ADGRB2: variants seen among roughly 807,000 people sequenced by gnomAD.
The protein encoded by ADGRB2 is brain-specific angiogenesis inhibitor 2.
ADGRB2 carries 47 observed loss-of-function variants against 178.7 expected under a neutral mutation model. That is an observed-to-expected ratio of 0.26 (90% confidence interval 0.21 to 0.34). The LOEUF is 0.34. ADGRB2 is among the 10% of genes least tolerant of loss of function. ADGRB2 has a pLI of 1.00. For missense variants in ADGRB2, 1,584 were observed against 2,180.8 expected, an observed-to-expected ratio of 0.73 and a Z score of 5.45; for synonymous variants, 870 against 912.4, an observed-to-expected ratio of 0.95 and a Z score of 0.84.
chr1:31,758,188 G>A lies in ADGRB2; in HGVS notation c.-190-677C>T, dbSNP rs1029593109. ...CAGGATAGCTCACAGCACTGCATGGGCCCCCTAGAGCCCAGCTGGTCCTCA... is the reference window on the plus strand; with the variant it reads ...CAGGATAGCTCACAGCACTGCATGGACCCCCTAGAGCCCAGCTGGTCCTCA... On this transcript the variant is annotated intron_variant, in intron 1 of 32. Coordinates refer to ENST00000373658, the MANE Select transcript of ADGRB2 (RefSeq NM_001364857.2). This position sits in a 1 kb window ranked among gnomAD's most constrained non-coding sequence, Gnocchi z 4.2. Among the ~76,000 whole-genome samples the A allele has an allele frequency of 2.0e-5, 3 of 152,194 alleles. No individual in the cohort carries two copies. The highest frequency in any genetic ancestry group is 4.8e-5 in the African/African-American group (2 of 41,440).
rs1324862325 is a variant in ADGRB2 at position 31,756,652 on chromosome 1, G to A, written c.185C>T (p.Ala62Val). ...FSLQDLFPTIASGCSWTLENP... is the reference protein window; with the variant it reads ...FSLQDLFPTIVSGCSWTLENP... ...CTCCAGGGTCCAGGAGCAGCCCGAG[G>A]CGATGGTAGGAAAGAGGTCCTGCAG... Residue 62 changes from alanine (A) to valine (V), a missense_variant, in exon 4 of 33, where the codon GCC (alanine) becomes GTC (valine). Ala to Val is a moderately conservative substitution (Grantham distance 64, BLOSUM62 0). Transcript: ENST00000373658. This position sits in a 1 kb window ranked among gnomAD's most constrained non-coding sequence, Gnocchi z 8.5. 4 of 1,608,868 alleles carry A rather than the reference G, an allele frequency of 2.5e-6. No homozygotes were observed. Among genetic ancestry groups the A allele is most frequent in the African/African-American group, 1.3e-5 (1 of 74,890 alleles).
At chr1:31,737,045 G>A (rs1645652336) in intron 20 of ADGRB2, among the ~76,000 whole-genome samples, 1 of 152,208 alleles carries the variant, frequency 6.6e-6, no homozygotes, top group Non-Finnish European at 1.5e-5. Context: ...GCATGGTGCT[G>A]GCACTGTGCA....
chr1:31,763,356 G>C (rs544646328), intron 1 of ADGRB2, among the ~76,000 whole-genome samples: 3 of 151,858 alleles, frequency 2.0e-5, no homozygotes, highest in African/African-American at 7.2e-5. Flanking sequence ...GTACAGGCGC[G>C]GGGGAGGGTA....
rs1260437524 is a variant in ADGRB2 at position 31,759,784 on chromosome 1, G to A, written c.-190-2273C>T. ...GTATAGCCAGGCCTGTCCTCCTGGG[G>A]GCACTGATGACCCAGAGGCCTCTCC... On this transcript the variant is annotated intron_variant, in intron 1 of 32. Transcript: ENST00000373658. This position sits in a 1 kb window ranked among gnomAD's most constrained non-coding sequence, Gnocchi z 4.3. Among the ~76,000 whole-genome samples, 1 of 152,154 alleles carries A rather than the reference G, an allele frequency of 6.6e-6. No homozygotes were observed. Among genetic ancestry groups the A allele is most frequent in the Non-Finnish European group, 1.5e-5 (1 of 68,014 alleles).
chr1:31,733,182 CG>C lies in ADGRB2; in HGVS notation c.3453-40del. 1 of 1,547,932 alleles carries C rather than the reference CG, an allele frequency of 6.5e-7. No individual in the cohort carries two copies. The highest frequency in any genetic ancestry group is 8.7e-7 in the Non-Finnish European group (1 of 1,146,044). ...GGCAGAGCCCATCAGAGTGACACTC[CG>C]GGGGACAGGATGGCTTGAGCCTAGG... is the stretch of plus-strand genomic sequence containing the variant. On this transcript the variant is annotated intron_variant, in intron 25 of 32. Coordinates refer to ENST00000373658, the MANE Select transcript of ADGRB2 (RefSeq NM_001364857.2). This position sits in a 1 kb window ranked among gnomAD's most constrained non-coding sequence, Gnocchi z 4.3.
Position 31,736,701 on chromosome 1 carries a change from G to A in ADGRB2, c.3002C>T (p.Ala1001Val). The A allele has an allele frequency of 6.2e-7, 1 of 1,613,956 alleles. No homozygotes were observed. The highest frequency in any genetic ancestry group is 2.2e-5 in the East Asian group (1 of 44,872). Residue 1001 changes from alanine to valine, a missense_variant, in exon 21 of 33, where the codon GCC (alanine) becomes GTC (valine). Ala to Val is a moderately conservative substitution (Grantham distance 64). Transcript: ENST00000373658. ...LSKGVCTMTA[A>V]FLHFFFLSSF... Reference sequence around the variant, plus strand: ...GGAGAGAAAGAAGAAGTGCAGGAAGGCAGCCGTCATGGTGCACACGCCCTG... The same window carrying A: ...GGAGAGAAAGAAGAAGTGCAGGAAGACAGCCGTCATGGTGCACACGCCCTG...
Position 31,756,342 on chromosome 1 carries a change from CT to C in ADGRB2, c.494del (p.Glu165GlyfsTer14). 2 of 1,612,914 alleles carry C rather than the reference CT, an allele frequency of 1.2e-6. No individual in the cohort carries two copies. The highest frequency in any genetic ancestry group is 8.5e-7 in the Non-Finnish European group (1 of 1,179,946). The stretch of plus-strand genomic sequence containing the variant: ...CCAGCAGGCGCGGGGCCTCGGAGGG[CT>C]CAGCCGACAGGCACAGCTGCACGAA... ...KNFVQLCLSA[E>X]PSEAPRLLAP... is the part of the protein sequence containing the mutation. On this transcript the variant is annotated frameshift_variant, in exon 4 of 33. Transcript: ENST00000373658. LOFTEE classifies it high-confidence loss of function. This position sits in a 1 kb window ranked among gnomAD's most constrained non-coding sequence, Gnocchi z 8.5.
In ADGRB2 at chr1:31,740,315, C is replaced by A; in HGVS notation, c.1989+32G>T. 1 of 1,605,520 alleles carries A rather than the reference C, an allele frequency of 6.2e-7. No homozygotes were observed. Among genetic ancestry groups the A allele is most frequent in the Admixed American group, 1.7e-5 (1 of 59,556 alleles). On this transcript the variant is annotated intron_variant, in intron 12 of 32. Coordinates refer to ENST00000373658, the MANE Select transcript of ADGRB2 (RefSeq NM_001364857.2). This position sits in a 1 kb window ranked among gnomAD's most constrained non-coding sequence, Gnocchi z 5.9. ...CTCCCGCTTCAGTTTGGGCCTTCTC[C>A]ACCCTCCGCCCTCCTTCCTCCTAGG...
chr1:31,739,137 A>G lies in ADGRB2; in HGVS notation c.2495+171T>C, dbSNP rs967579942. 2.5e-5 allele frequency: 22 copies of G among 892,826 alleles called. 1 individual carries two copies. In the East Asian group the frequency reaches 4.8e-4, roughly 20 times the overall value. 55.3% of individuals were successfully genotyped at this position (892,826 alleles called of 1,614,324 possible). ...GCTGGGTGGCAGCCCAGCCTCTGAGAGCAGTATGGATAAATTTGAGAAGCA... is the reference window on the plus strand; with the variant it reads ...GCTGGGTGGCAGCCCAGCCTCTGAGGGCAGTATGGATAAATTTGAGAAGCA... On this transcript the variant is annotated intron_variant, in intron 15 of 32. Transcript: ENST00000373658.
rs1385869241 is a variant in ADGRB2, at chr1:31,759,713, C to G, written c.-190-2202G>C. Among the ~76,000 whole-genome samples the G allele has an allele frequency of 6.6e-6, 1 of 152,228 alleles. No homozygotes were observed. The highest frequency in any genetic ancestry group is 1.5e-5 in the Non-Finnish European group (1 of 68,046). On this transcript the variant is annotated intron_variant, in intron 1 of 32. Coordinates refer to ENST00000373658, the MANE Select transcript of ADGRB2 (RefSeq NM_001364857.2). The surrounding 1 kb of genome is among the most constrained non-coding windows in gnomAD (Gnocchi z 4.3). ...AATAAGGCAAAGACCCAATTCCAAG[C>G]TGGGTCACAGACAGCCACTGGTTCA...
chr1:31,734,696 C>G (rs1645476508), intron 25 of ADGRB2, among the ~76,000 whole-genome samples: 2 of 152,210 alleles, frequency 1.3e-5, no homozygotes, highest in Admixed American at 1.3e-4. Context: ...CTGTGATTCT[C>G]TGTCTCCAAT....
In ADGRB2 at chr1:31,737,753, G is replaced by A. The variant is rs1266073451; in HGVS notation, c.2775C>T (p.Thr925=). 2 of 1,613,306 alleles carry A rather than the reference G, an allele frequency of 1.2e-6. No homozygotes were observed. Among genetic ancestry groups the A allele is most frequent in the Non-Finnish European group, 8.5e-7 (1 of 1,179,974 alleles). ...CCGAGGGGGAGCCCGCCAGCTCCAG[G>A]GTCTGGGGAAGATGGGCAGACAGTC... ...AVLAQPPKDL[T]LELAGSPSVP... Residue 925 remains threonine (T), a splice_region_variant and synonymous_variant, in exon 19 of 33, where the codon ACC becomes ACT. Coordinates refer to ENST00000373658, the MANE Select transcript of ADGRB2 (RefSeq NM_001364857.2).
rs969346765 is a variant in ADGRB2, at chr1:31,736,593, C to T, written c.3110G>A (p.Arg1037His). 8 of 1,614,044 alleles carry T rather than the reference C, an allele frequency of 5.0e-6. No homozygotes were observed. Among genetic ancestry groups the T allele is most frequent in the African/African-American group, 2.7e-5 (2 of 75,070 alleles). The change falls in exon 21 of 33, where the codon CGC becomes CAC. Residue 1037 changes from arginine to histidine, a missense_variant. Transcript: ENST00000373658. ...CTCACCCCAGCCCAGGCAGAGGAAG[C>T]GCTTGCGAACGAGGCGGGTGCGCAT... ...GRMRTRLVRK[R>H]FLCLGWGLPA...
Position 31,730,811 on chromosome 1 carries a change from C to T in ADGRB2, c.4369G>A (p.Gly1457Ser), listed in dbSNP as rs1310354410. 1 of 1,502,968 alleles carries T rather than the reference C, an allele frequency of 6.7e-7. No homozygotes were observed. Among genetic ancestry groups the T allele is most frequent in the African/African-American group, 1.4e-5 (1 of 71,436 alleles). The allele number at this position is 1,502,968 out of a possible 1,614,324, so 93.1% of individuals were successfully genotyped here. The change falls in exon 29 of 33, where the codon GGC (glycine) becomes AGC (serine). Residue 1457 changes from glycine (G) to serine (S), a missense_variant. This residue lies in a region of ADGRB2 where 865 missense variants were observed against 1,192.8 expected (regional missense o/e 0.73). Coordinates refer to ENST00000373658, the MANE Select transcript of ADGRB2 (RefSeq NM_001364857.2). ...RTVPGSTMKM[G>S]SLERKKLRYS... ...CTACAGCCCCTCACCTCCAGGGAGC[C>T]CATCTTCATGGTAGAGCCGGGCACG... is the stretch of plus-strand genomic sequence containing the variant.
chr1:31,731,029 C>T lies in ADGRB2; in HGVS notation c.4151G>A (p.Arg1384Gln), dbSNP rs750954559. 5.0e-5 allele frequency: 79 copies of T among 1,584,474 alleles called. No homozygotes were observed. The highest frequency in any genetic ancestry group is 8.1e-5 in the African/African-American group (6 of 74,388). The part of the protein sequence containing the change: ...PRARPEGTPR[R>Q]AAKTVAHTEG... ...AGTGTGGGCCACTGTCTTGGCAGCTCGCCGGGGGGTCCCCTCCGGCCGGGC... is the reference window on the plus strand; with the variant it reads ...AGTGTGGGCCACTGTCTTGGCAGCTTGCCGGGGGGTCCCCTCCGGCCGGGC... Residue 1384 changes from arginine (R) to glutamine (Q), a missense_variant, in exon 29 of 33, where the codon CGA becomes CAA. This residue lies in a region of ADGRB2 where 865 missense variants were observed against 1,192.8 expected (regional missense o/e 0.73). Transcript: ENST00000373658.
At chr1:31,737,598 C>A (rs1010327163) in intron 19 of ADGRB2, 54 bp downstream of exon 19, 25 of 1,610,540 alleles carry the variant, frequency 1.6e-5, no homozygotes, top group Non-Finnish European at 2.1e-5. Flanking sequence ...TGGCTGGCCA[C>A]CTTCTGCGCC....
At chr1:31,743,186 A>T (rs1646079802) in intron 6 of ADGRB2, among the ~76,000 whole-genome samples, 184 bp from the exon 7 acceptor site, 1 of 152,100 alleles carries the variant, frequency 6.6e-6, no homozygotes, top group Non-Finnish European at 1.5e-5. Context: ...CTTTGAAGGG[A>T]TGTGCAAGAC....
Position 31,735,754 on chromosome 1 carries a change from G to A in ADGRB2, c.3267+73C>T. The A allele has an allele frequency of 6.3e-7, 1 of 1,581,608 alleles. No homozygotes were observed. Among genetic ancestry groups the A allele is most frequent in the Non-Finnish European group, 8.6e-7 (1 of 1,158,804 alleles). On this transcript the variant is annotated intron_variant, in intron 23 of 32. Transcript: ENST00000373658. This position sits in a 1 kb window ranked among gnomAD's most constrained non-coding sequence, Gnocchi z 6.0. ...TCCCCATGTGGGAGCTGGAGCGCAGGGAGGAGGTAGAGGGAGAAACAGGAT... is the reference window on the plus strand; with the variant it reads ...TCCCCATGTGGGAGCTGGAGCGCAGAGAGGAGGTAGAGGGAGAAACAGGAT...
intron 6 of ADGRB2, chr1:31,743,514 G>A (rs547320358): frequency 6.5e-6 from 1 of 153,060 alleles, no homozygotes; most frequent in Non-Finnish European, 1.5e-5. Flanking sequence ...CTTTGCCCCA[G>A]GCCTTTGCAA....
Sources: gnomAD v4.1 joint callset for allele counts (sites outside exome capture counted in the v4.1 genomes callset) on GRCh38, gnomAD v4.1.1 for gene constraint, gnomAD v4.1.1 regional missense constraint, Gnocchi (gnomAD v3.1) non-coding constraint, MANE v1.5 for transcripts, NCBI Gene and HGNC (gene_info 2026-07-23, HGNC 2026-07-21) for gene names.